The following CAPN15 variants were observed in gnomAD, a reference collection of about 807,000 sequenced individuals.
The protein encoded by CAPN15 is calpain-15.
In CAPN15, 53 loss-of-function variants were observed where a neutral mutation model predicts 97.9. The observed-to-expected ratio is 0.54, with a 90% CI of 0.43 to 0.68. The LOEUF (loss-of-function observed/expected upper bound fraction) is 0.68, where lower values mean the gene tolerates loss of function less well. Ranked by LOEUF, CAPN15 falls within the 30% of genes least tolerant of loss-of-function variation. The pLI, the probability that CAPN15 is intolerant of heterozygous loss-of-function variation, is 0.00. For missense variants in CAPN15, 1,592 were observed against 1,589.8 expected, an observed-to-expected ratio of 1.00 and a Z score of -0.02; for synonymous variants, 922 against 722.5, an observed-to-expected ratio of 1.28 and a Z score of -4.43.
Position 546,756 on chromosome 16 carries a change from G to T in CAPN15, c.-22-61G>T, listed in dbSNP as rs1217150691. 3 of 1,494,928 alleles carry T rather than the reference G, an allele frequency of 2.0e-6. No homozygotes were observed. The East Asian group carries it at 7.3e-5, about 36-fold the overall frequency. 92.6% of individuals were successfully genotyped at this position (1,494,928 alleles called of 1,614,324 possible). On this transcript the variant is annotated intron_variant, in intron 3 of 13. Transcript: ENST00000219611. ...GGGTGCCTTCCCCAGGCCGAGAGGAGGGTGGGGTCCAGCCACTCAGGACCT... is the reference window on the plus strand; with the variant it reads ...GGGTGCCTTCCCCAGGCCGAGAGGATGGTGGGGTCCAGCCACTCAGGACCT...
chr16:531,769 C>T lies in CAPN15; in HGVS notation c.-189-2177C>T, dbSNP rs116717478. ...CCAGGGCCACACGGCTCCCAAGGCC[C>T]CCGTCCCCTTCTCTGGGGTGACAGG... On this transcript the variant is annotated intron_variant, in intron 1 of 13. Coordinates refer to ENST00000219611, the MANE Select transcript of CAPN15 (RefSeq NM_005632.3). Among the ~76,000 whole-genome samples, 730 of 151,540 alleles carry T rather than the reference C, an allele frequency of 4.8e-3. 11 individuals are homozygous for T. Among genetic ancestry groups the T allele is most frequent in the African/African-American group, 0.017 (697 of 41,160 alleles).
At position 551,780 on chromosome 16, in the gene CAPN15, C is replaced by T. The variant is rs1457840501; in HGVS notation, c.2345+116C>T. On this transcript the variant is annotated intron_variant, in intron 9 of 13. Coordinates refer to ENST00000219611, the MANE Select transcript of CAPN15 (RefSeq NM_005632.3). The stretch of plus-strand genomic sequence containing the variant: ...CTGGGGTGGGGCGGCTTGTTCGTGG[C>T]CCAAATGGGACCTGGAGCTTCAGCT... The T allele has an allele frequency of 4.5e-6, 6 of 1,336,752 alleles. No homozygotes were observed. The African/African-American group carries it at 7.2e-5, about 16-fold the overall frequency. 82.8% of individuals were successfully genotyped at this position (1,336,752 alleles called of 1,614,324 possible).
chr16:553,308 T>G, intron 13 of CAPN15, 31 bp from the exon 14 acceptor site: 5 of 1,093,386 alleles, frequency 4.6e-6, no homozygotes, highest in African/African-American at 2.3e-5. Flanking sequence ...CACCCTGCCC[T>G]CCACAGGTCC....
At chr16:550,393 C>T (rs2034905641) in intron 7 of CAPN15, among the ~76,000 whole-genome samples, 1 of 152,246 alleles carries the variant, frequency 6.6e-6, no homozygotes, top group Non-Finnish European at 1.5e-5. Flanking sequence ...CCACCCCTGA[C>T]TCAGGCCCTG....
intron 3 of CAPN15, chr16:539,609 G>C (rs1464298454): frequency 1.3e-5 from 2 of 152,296 alleles, no homozygotes; most frequent in Admixed American, 1.3e-4. Flanking sequence ...TTGTTTCTCG[G>C]GGCCTGGCTC....
At chr16:537,305 A>G in intron 3 of CAPN15, 1 of 985,552 alleles carries the variant, frequency 1.0e-6, no homozygotes, top group Non-Finnish European at 1.2e-6. Flanking sequence ...GCTGGTGAGC[A>G]GCTCGCTTCC....
Position 532,554 on chromosome 16 carries a change from CAA to C in CAPN15, c.-189-1378_-189-1377del, listed in dbSNP as rs530000758. Among the ~76,000 whole-genome samples the C allele has an allele frequency of 9.5e-3, 793 of 83,464 alleles. 8 individuals carry two copies. The highest frequency in any genetic ancestry group is 0.034 in the African/African-American group (728 of 21,134). 54.8% of individuals were successfully genotyped at this position (83,464 alleles called of 152,430 possible). A position where few individuals can be genotyped will look rare whatever the true frequency, so the allele number is the denominator to read the frequency against. ...TAGGTGACAGAGTGATACCCTGTCTCAAAAAAAAAAAAAAAGCCAGCCGCTGT... is the reference window on the plus strand; with the variant it reads ...TAGGTGACAGAGTGATACCCTGTCTCAAAAAAAAAAAAAGCCAGCCGCTGT... On this transcript the variant is annotated intron_variant, in intron 1 of 13. Coordinates refer to ENST00000219611, the MANE Select transcript of CAPN15 (RefSeq NM_005632.3).
chr16:549,244 G>A (rs749837154), intron 5 of CAPN15, 43 bp downstream of exon 5: 198 of 1,539,728 alleles, frequency 1.3e-4, no homozygotes, highest in Non-Finnish European at 1.6e-4. Context: ...GTGGGCGGGC[G>A]ACCGGCCGCG....
chr16:533,959 C>T lies in CAPN15; in HGVS notation c.-176C>T, dbSNP rs954168632. The T allele has an allele frequency of 2.7e-5, 27 of 985,374 alleles. No homozygotes were observed. Among genetic ancestry groups the T allele is most frequent in the African/African-American group, 1.6e-4 (9 of 57,242 alleles). 61.0% of individuals were successfully genotyped at this position (985,374 alleles called of 1,614,324 possible). A position where few individuals can be genotyped will look rare whatever the true frequency, so the allele number is the denominator to read the frequency against. On this transcript the variant is annotated 5_prime_UTR_variant, in exon 2 of 14. The change creates a new upstream start codon in the 5' untranslated region. Transcript: ENST00000219611. The stretch of plus-strand genomic sequence containing the variant: ...CTCCCTTTCTAGGCAGCAGCCCAGA[C>T]GCGGCACAGAGAGGGCCTGGGAGCT...
Position 554,291 on chromosome 16 carries a change from G to T in CAPN15, c.*775G>T, listed in dbSNP as rs549739470. On this transcript the variant is annotated 3_prime_UTR_variant, in exon 14 of 14. Transcript: ENST00000219611. ...TCGTGGGCACGGGCAGGGCTCAGCC[G>T]CTCCCACCTCCCCACAGAAGCCCAG... 1.6e-3 allele frequency: 557 copies of T among 349,208 alleles called. 2 individuals carry two copies. The highest frequency in any genetic ancestry group is 1.9e-3 in the Non-Finnish European group (331 of 176,920). 21.6% of individuals were successfully genotyped at this position (349,208 alleles called of 1,614,324 possible).
intron 3 of CAPN15, among the ~76,000 whole-genome samples, chr16:542,424 A>C (rs949947835): frequency 2.6e-5 from 4 of 151,592 alleles, no homozygotes; most frequent in Admixed American, 2.6e-4. Flanking sequence ...TGGCGTCTCC[A>C]CTCCCTCGAC....
At chr16:553,133 GCACAGGT>G (rs2142087792) in intron 13 of CAPN15, 92 bp downstream of exon 13, 2 of 469,024 alleles carry the variant, frequency 4.3e-6, no homozygotes, top group Admixed American at 4.8e-5. Flanking sequence ...CCCCACCCCT[GCACAGGT>G]GCCCCCTCCC....
intron 6 of CAPN15, 50 bp from the exon 7 acceptor site, chr16:549,565 G>T (rs561555071): frequency 5.9e-5 from 88 of 1,500,340 alleles, no homozygotes; most frequent in Non-Finnish European, 6.8e-5. Flanking sequence ...CTCCCAGGGC[G>T]GGTAGTGTGG....
intron 3 of CAPN15, among the ~76,000 whole-genome samples, chr16:542,176 A>G (rs956088204): frequency 2.0e-5 from 3 of 152,210 alleles, no homozygotes; most frequent in African/African-American, 7.2e-5. Context: ...TGCGGGATGA[A>G]CCGCATTTTA....
At chr16:534,346 C>T (rs1035355880) in intron 2 of CAPN15, among the ~76,000 whole-genome samples, 2 of 146,214 alleles carry the variant, frequency 1.4e-5, no homozygotes, top group East Asian at 2.2e-4. Context: ...CTGTGCACGG[C>T]CCCCACCGCT....
chr16:552,269 C>A lies in CAPN15; in HGVS notation c.2508-32C>A, dbSNP rs781777719. 1.3e-6 allele frequency: 2 copies of A among 1,538,648 alleles called. No homozygotes were observed. Among genetic ancestry groups the A allele is most frequent in the East Asian group, 4.9e-5 (2 of 40,818 alleles). ...TGGGCTAGGCTGGCGGCCGTGACCA[C>A]GCGTGACCCTGGCCCGTGGTGTCTG... On this transcript the variant is annotated intron_variant, in intron 10 of 13. Transcript: ENST00000219611. The surrounding 1 kb of genome is among the most constrained non-coding windows in gnomAD (Gnocchi z 6.4).
intron 3 of CAPN15, among the ~76,000 whole-genome samples, chr16:544,116 CT>C (rs919767749): frequency 7.2e-5 from 11 of 152,184 alleles, no homozygotes; most frequent in Non-Finnish European, 1.2e-4. Flanking sequence ...TAGACCCCCC[CT>C]GGCAAGGCTG....
At chr16:539,979 C>G (rs1333850247) in intron 3 of CAPN15, 1 of 720,828 alleles carries the variant, frequency 1.4e-6, no homozygotes, top group East Asian at 1.3e-4. Context: ...TCAGCCTACC[C>G]CAGGCGGCTG....
rs767301726 is a variant in CAPN15, at chr16:547,288, G to A, written c.450G>A (p.Pro150=). 260 of 1,513,960 alleles carry A rather than the reference G, an allele frequency of 1.7e-4. 1 individual carries two copies. In the East Asian group the frequency reaches 4.9e-3, roughly 29 times the overall value. 93.8% of individuals were successfully genotyped at this position (1,513,960 alleles called of 1,614,324 possible). ...AAEPRGGWAC[P]RCTLHNTPVA... ...AGCCCAGAGGGGGCTGGGCGTGTCC[G>A]CGTTGCACGCTGCACAACACGCCCG... is the stretch of plus-strand genomic sequence containing the variant. Residue 150 remains proline (P), a synonymous_variant, in exon 4 of 14, where the codon CCG becomes CCA. Coordinates refer to ENST00000219611, the MANE Select transcript of CAPN15 (RefSeq NM_005632.3).
Sources: allele counts gnomAD v4.1 joint callset (sites outside exome capture counted in the v4.1 genomes callset), GRCh38; gene constraint gnomAD v4.1.1; non-coding constraint Gnocchi (gnomAD v3.1); transcripts MANE v1.5; gene names NCBI Gene and HGNC (gene_info 2026-07-23, HGNC 2026-07-21).